MDFIC: variants seen among roughly 807,000 people sequenced by gnomAD.
MDFIC encodes myoD family inhibitor domain-containing protein.
MDFIC carries 17 observed loss-of-function variants against 23.2 expected under a neutral mutation model. The ratio of observed to expected loss-of-function variants is 0.73; its 90% CI spans 0.50 to 1.10. MDFIC has a LOEUF of 1.10. MDFIC is among the 50% of genes least tolerant of loss of function. MDFIC has a pLI of 0.00. For synonymous variants in MDFIC, 120 were observed against 115.2 expected (o/e 1.04, Z -0.27); for missense variants, 356 against 316.6 (o/e 1.12, Z -0.95).
chr7:114,923,054 C>T lies in MDFIC; in HGVS notation c.21C>T (p.Ala7=). 1.5e-6 allele frequency: 2 copies of T among 1,362,992 alleles called. No homozygotes were observed. Among genetic ancestry groups the T allele is most frequent in the Non-Finnish European group, 1.9e-6 (2 of 1,060,324 alleles). 84.4% of individuals were successfully genotyped at this position (1,362,992 alleles called of 1,614,324 possible). A position where few individuals can be genotyped will look rare whatever the true frequency, so the allele number is the denominator to read the frequency against. Residue 7 remains alanine, a synonymous_variant, in exon 2 of 5, where the codon GCC becomes GCT. Transcript: ENST00000393486. ...GGCCCATGTCCGGCGCGGGCGAAGCCCTCGCTCCCGGGCCCGTGGGGCCGC... is the reference window on the plus strand; with the variant it reads ...GGCCCATGTCCGGCGCGGGCGAAGCTCTCGCTCCCGGGCCCGTGGGGCCGC... MSGAGE[A]LAPGPVGPQR...
At chr7:114,942,249 T>C (rs1198049335) in intron 2 of MDFIC, 26 bp from the exon 3 acceptor site, 1 of 1,325,404 alleles carries the variant, frequency 7.5e-7, no homozygotes, top group East Asian at 2.6e-5. Flanking sequence ...AAATCAATTA[T>C]ATTAAATGTA....
intron 4 of MDFIC, among the ~76,000 whole-genome samples, chr7:115,003,222 T>G (rs1791498097): frequency 6.6e-6 from 1 of 152,184 alleles, no homozygotes; most frequent in African/African-American, 2.4e-5. Context: ...CTTGAATCCC[T>G]TGTCACTGAG....
chr7:114,943,017 A>G (rs938612075), intron 3 of MDFIC, among the ~76,000 whole-genome samples: 2 of 152,148 alleles, frequency 1.3e-5, no homozygotes, highest in African/African-American at 2.4e-5. Context: ...GGTGTGTTCA[A>G]GATGAATTTG....
chr7:115,012,679 C>G (rs1245523965), intron 4 of MDFIC, among the ~76,000 whole-genome samples: 1 of 151,984 alleles, frequency 6.6e-6, no homozygotes, highest in African/African-American at 2.4e-5. Context: ...CCAAAATATC[C>G]ATAAATAGTA....
In MDFIC at chr7:115,019,863, A is replaced by C. The variant is rs1791866424; in HGVS notation, c.*3928A>C. Among the ~76,000 whole-genome samples, 1 of 152,142 alleles carries C rather than the reference A, an allele frequency of 6.6e-6. No homozygotes were observed. The highest frequency in any genetic ancestry group is 2.4e-5 in the African/African-American group (1 of 41,442). On this transcript the variant is annotated 3_prime_UTR_variant, in exon 5 of 5. Coordinates refer to ENST00000393486, the MANE Select transcript of MDFIC (RefSeq NM_001166345.3). ...AATCAAGCATTGGGTATTAAAAGAG[A>C]ATCCTTTCAACCCTTCATCTTCGTA...
intron 4 of MDFIC, among the ~76,000 whole-genome samples, chr7:114,996,498 G>C (rs1348423416): frequency 6.6e-6 from 1 of 152,154 alleles, no homozygotes; most frequent in African/African-American, 2.4e-5. Flanking sequence ...GGAATATATT[G>C]AATTTGAGAT....
rs189129068 is a variant in MDFIC, at chr7:114,997,838, G to T, written c.494-17850G>T. ...AAGAAAAGAAAAGAAAAGAGAAAGA[G>T]AAAAGAAAGGGCCCATGCCTGCAGA... On this transcript the variant is annotated intron_variant, in intron 4 of 4. Transcript: ENST00000393486. Among the ~76,000 whole-genome samples, 274 of 151,866 alleles carry T rather than the reference G, an allele frequency of 1.8e-3. 3 individuals carry two copies. The highest frequency in any genetic ancestry group is 6.4e-3 in the African/African-American group (264 of 41,456).
At chr7:114,980,138 A>G (rs1158493088) in intron 4 of MDFIC, 2 of 298,526 alleles carry the variant, frequency 6.7e-6, no homozygotes, top group Admixed American at 4.6e-5. Context: ...ATGTTATTCT[A>G]TAGTTCAGAG....
intron 2 of MDFIC, chr7:114,923,533 C>G (rs1330923633): frequency 2.6e-6 from 4 of 1,537,230 alleles, no homozygotes; most frequent in Non-Finnish European, 3.5e-6. Flanking sequence ...CTTTCTGTTT[C>G]TTGTTGGCTC....
chr7:114,991,401 GT>G (rs1407776322), intron 4 of MDFIC, among the ~76,000 whole-genome samples: 1 of 152,158 alleles, frequency 6.6e-6, no homozygotes, highest in African/African-American at 2.4e-5. Flanking sequence ...TGCTTTTGGT[GT>G]TTTAGACATG....
chr7:115,014,092 CCCTT>C (rs1791742060), intron 4 of MDFIC: 3 of 985,352 alleles, frequency 3.0e-6, no homozygotes, highest in South Asian at 4.7e-5. Context: ...TACTCTCTGA[CCCTT>C]CCTCCTTTTC....
intron 3 of MDFIC, among the ~76,000 whole-genome samples, chr7:114,975,907 G>T (rs1793299348): frequency 1.3e-5 from 2 of 151,988 alleles, no homozygotes. Flanking sequence ...TTGGTTATCT[G>T]ATCATAATCC....
At chr7:114,929,030 AATATAG>A (rs1362095951) in intron 2 of MDFIC, among the ~76,000 whole-genome samples, 25 of 146,830 alleles carry the variant, frequency 1.7e-4, no homozygotes, top group Non-Finnish European at 2.9e-4. Flanking sequence ...TTGGGTAAAA[AATATAG>A]ATATAGATCT....
chr7:114,977,652 C>G (rs1009203260), intron 3 of MDFIC, among the ~76,000 whole-genome samples: 1 of 152,086 alleles, frequency 6.6e-6, no homozygotes. Flanking sequence ...GACCAGAATG[C>G]TGGACAACAC....
At chr7:114,937,746 G>A (rs543017383) in intron 2 of MDFIC, among the ~76,000 whole-genome samples, 1 of 152,248 alleles carries the variant, frequency 6.6e-6, no homozygotes, top group African/African-American at 2.4e-5. Flanking sequence ...CTCATCCAAA[G>A]CAAAGTAGTT....
intron 2 of MDFIC, among the ~76,000 whole-genome samples, chr7:114,940,035 A>C (rs1479156601): frequency 6.6e-6 from 1 of 152,196 alleles, no homozygotes; most frequent in Non-Finnish European, 1.5e-5. Context: ...CTGTAGCAGT[A>C]AAAAGATTTC....
intron 3 of MDFIC, among the ~76,000 whole-genome samples, chr7:114,945,307 A>G (rs1419389261): frequency 1.3e-5 from 2 of 152,154 alleles, no homozygotes; most frequent in African/African-American, 2.4e-5. Context: ...TGCTTTGGAA[A>G]TTGTATTCTA....
chr7:114,955,136 A>G (rs1792859649), intron 3 of MDFIC, among the ~76,000 whole-genome samples: 1 of 152,162 alleles, frequency 6.6e-6, no homozygotes, highest in South Asian at 2.1e-4. Context: ...TTATTTGTGC[A>G]ATTCACATGT....
At chr7:114,963,223 G>T (rs531783108) in intron 3 of MDFIC, among the ~76,000 whole-genome samples, 2 of 152,262 alleles carry the variant, frequency 1.3e-5, no homozygotes, top group East Asian at 3.9e-4. Context: ...GAAGACTATT[G>T]CTGGGAATGG....
Sources: allele counts gnomAD v4.1 joint callset (sites outside exome capture counted in the v4.1 genomes callset), GRCh38; gene constraint gnomAD v4.1.1; transcripts MANE v1.5; gene names NCBI Gene and HGNC (gene_info 2026-07-23, HGNC 2026-07-21).